Variants in PTPRD observed in about 807,000 individuals in gnomAD.
The protein encoded by PTPRD is protein tyrosine phosphatase receptor type D, also known as receptor-type tyrosine-protein phosphatase delta.
PTPRD carries 34 observed loss-of-function variants against 214.5 expected under a neutral mutation model. That is an observed-to-expected ratio of 0.16 (90% confidence interval 0.12 to 0.21). PTPRD has a LOEUF of 0.21. Among genes scored for constraint, PTPRD ranks in the 10% least tolerant of loss-of-function variants. PTPRD has a pLI of 1.00. For missense variants in PTPRD, 2,545 were observed against 2,398.7 expected (o/e 1.06, Z -1.27); for synonymous variants, 1,128 against 845.7 (o/e 1.33, Z -5.79).
chr9:9,006,411 A>C (rs2154358808), intron 11 of PTPRD, among the ~76,000 whole-genome samples: 1 of 152,232 alleles, frequency 6.6e-6, no homozygotes, highest in Admixed American at 6.6e-5. Flanking sequence ...GGAATAGACA[A>C]GGCACAAATC....
At chr9:10,037,405 A>G in intron 3 of PTPRD, among the ~76,000 whole-genome samples, 1 of 151,806 alleles carries the variant, frequency 6.6e-6, no homozygotes, top group Non-Finnish European at 1.5e-5. Flanking sequence ...ACCTCTCTGC[A>G]CCCTTCCTCC....
intron 7 of PTPRD, among the ~76,000 whole-genome samples, chr9:9,648,660 C>A (rs567402165): frequency 9.9e-5 from 15 of 152,208 alleles, no homozygotes; most frequent in African/African-American, 3.6e-4. Context: ...TAGCACAAAA[C>A]CATATTTTGT....
intron 2 of PTPRD, among the ~76,000 whole-genome samples, chr9:10,349,323 T>C (rs1441618206): frequency 6.6e-6 from 1 of 151,902 alleles, no homozygotes; most frequent in Non-Finnish European, 1.5e-5. Flanking sequence ...CTGGATCATT[T>C]TCCTTGATTG....
chr9:10,115,054 AAC>A (rs1381287195), intron 3 of PTPRD, among the ~76,000 whole-genome samples: 3 of 151,164 alleles, frequency 2.0e-5, no homozygotes, highest in Non-Finnish European at 4.4e-5. Flanking sequence ...AGAAAAAAAA[AAC>A]CTTCAAAGTG....
intron 14 of PTPRD, among the ~76,000 whole-genome samples, chr9:8,573,646 G>A (rs1394871700): frequency 6.6e-6 from 1 of 151,730 alleles, no homozygotes; most frequent in Non-Finnish European, 1.5e-5. Context: ...GCCTGCCTTT[G>A]TTTCATTTCC....
chr9:9,281,562 A>G (rs1947709500), intron 9 of PTPRD, among the ~76,000 whole-genome samples: 1 of 151,332 alleles, frequency 6.6e-6, no homozygotes, highest in Admixed American at 6.6e-5. Context: ...CTACACACCT[A>G]TATTAGAGTG....
At chr9:10,321,812 T>A (rs955020656) in intron 3 of PTPRD, among the ~76,000 whole-genome samples, 10 of 151,992 alleles carry the variant, frequency 6.6e-5, no homozygotes, top group Admixed American at 1.3e-4. Flanking sequence ...ATTCAAATGA[T>A]CATTGCAAAA....
chr9:9,668,372 C>T (rs574290931), intron 7 of PTPRD, among the ~76,000 whole-genome samples: 6 of 152,246 alleles, frequency 3.9e-5, no homozygotes, highest in African/African-American at 1.4e-4. Context: ...GAAATTTTTG[C>T]TAACTGCAGT....
intron 5 of PTPRD, among the ~76,000 whole-genome samples, chr9:9,931,910 T>A (rs1416667966): frequency 1.3e-5 from 2 of 151,100 alleles, no homozygotes; most frequent in East Asian, 2.0e-4. Context: ...CTCAAGTGGG[T>A]CCCTGACCCC....
chr9:9,915,588 TA>T (rs1376808726), intron 5 of PTPRD, among the ~76,000 whole-genome samples: 6 of 149,896 alleles, frequency 4.0e-5, no homozygotes, highest in Middle Eastern at 3.5e-3. Context: ...TCAATTAATT[TA>T]AAAAAATACT....
intron 5 of PTPRD, among the ~76,000 whole-genome samples, chr9:9,859,151 T>G (rs945855683): frequency 6.6e-6 from 1 of 152,196 alleles, no homozygotes; most frequent in Non-Finnish European, 1.5e-5. Flanking sequence ...TCTACTGCCT[T>G]GTGAAGAAGG....
At chr9:9,671,024 C>G (rs919043725) in intron 7 of PTPRD, among the ~76,000 whole-genome samples, 2 of 152,124 alleles carry the variant, frequency 1.3e-5, no homozygotes, top group Non-Finnish European at 2.9e-5. Flanking sequence ...TACTCCAGAT[C>G]CACCAACAGC....
rs184391064 is a variant in PTPRD, at chr9:8,782,666, C to T, written c.-103-48720G>A. Among the ~76,000 whole-genome samples, 823 of 149,956 alleles carry T rather than the reference C, an allele frequency of 5.5e-3. 4 individuals carry two copies. The highest frequency in any genetic ancestry group is 9.8e-3 in the Admixed American group (147 of 15,022). ...AGGCTGAAGTGCAGTGGCACAATCT[C>T]GGCTCACTGCAACCTCCACCTCCCG... On this transcript the variant is annotated intron_variant, in intron 11 of 45. Transcript: ENST00000381196.
chr9:10,426,838 T>G (rs1366095825), intron 2 of PTPRD, among the ~76,000 whole-genome samples: 2 of 152,120 alleles, frequency 1.3e-5, no homozygotes, highest in African/African-American at 2.4e-5. Flanking sequence ...ATTCTTCCTC[T>G]GCTCTTGTGT....
At chr9:9,630,474 C>G (rs1008700773) in intron 7 of PTPRD, among the ~76,000 whole-genome samples, 1 of 151,882 alleles carries the variant, frequency 6.6e-6, no homozygotes, top group African/African-American at 2.4e-5. Flanking sequence ...CCTGAAGTGA[C>G]GGAAGGGGAG....
At chr9:9,597,333 T>C (rs1038890160) in intron 7 of PTPRD, among the ~76,000 whole-genome samples, 1 of 151,978 alleles carries the variant, frequency 6.6e-6, no homozygotes. Flanking sequence ...GGCACAAAAT[T>C]ACACTGAATG....
chr9:10,201,908 T>C (rs564905174), intron 3 of PTPRD, among the ~76,000 whole-genome samples: 1 of 152,168 alleles, frequency 6.6e-6, no homozygotes, highest in South Asian at 2.1e-4. Flanking sequence ...ACTTTTTTTT[T>C]TCCAGTGTGT....
chr9:10,149,684 G>A (rs945797929), intron 3 of PTPRD, among the ~76,000 whole-genome samples: 6 of 151,292 alleles, frequency 4.0e-5, no homozygotes, highest in Admixed American at 3.3e-4. Context: ...CTATAAAACT[G>A]TGGACAATTC....
intron 2 of PTPRD, among the ~76,000 whole-genome samples, chr9:10,371,880 C>G (rs1411682646): frequency 6.6e-6 from 1 of 152,064 alleles, no homozygotes; most frequent in Non-Finnish European, 1.5e-5. Context: ...GCTGGTAAAA[C>G]AGCTGATTGC....
Sources: gnomAD v4.1 joint callset for allele counts (sites outside exome capture counted in the v4.1 genomes callset) on GRCh38, gnomAD v4.1.1 for gene constraint, MANE v1.5 for transcripts, NCBI Gene and HGNC (gene_info 2026-07-23, HGNC 2026-07-21) for gene names.